The following HSD17B12 variants were observed in gnomAD, a reference collection of about 807,000 sequenced individuals.
HSD17B12 encodes very-long-chain 3-oxoacyl-CoA reductase.
In HSD17B12, 32 loss-of-function variants were observed where a neutral mutation model predicts 39.3. That is an observed-to-expected ratio of 0.81 (90% CI 0.61 to 1.09). The LOEUF is 1.09. HSD17B12 is among the 50% of genes least tolerant of loss of function. The probability of loss-of-function intolerance (pLI) is 0.00; values close to 1 mark genes in which losing one functional copy is unlikely to be tolerated. For missense variants in HSD17B12, 342 were observed against 382.9 expected, an observed-to-expected ratio of 0.89 and a Z score of 0.89; for synonymous variants, 150 against 146.7, an observed-to-expected ratio of 1.02 and a Z score of -0.16.
the HSD17B12 span, among the ~76,000 whole-genome samples, chr11:43,615,016 AT>A: frequency 1.3e-5 from 2 of 151,794 alleles, no homozygotes; most frequent in Admixed American, 6.6e-5. Context: ...ATAGCCAGTG[AT>A]TTTTTTCATC....
chr11:43,838,501 A>G, intron 8 of HSD17B12, 103 bp downstream of exon 8: 1 of 862,702 alleles, frequency 1.2e-6, no homozygotes, highest in Non-Finnish European at 1.9e-6. Flanking sequence ...TGTTCTTGGC[A>G]GTTTTCCAGT....
upstream of HSD17B12, among the ~76,000 whole-genome samples, chr11:43,677,373 T>C (rs1415845218): frequency 2.0e-5 from 3 of 152,268 alleles, no homozygotes; most frequent in South Asian, 6.2e-4. Context: ...CCCAAATCCA[T>C]GCCAGAGAAG....
At chr11:43,666,467 A>C in the HSD17B12 span, among the ~76,000 whole-genome samples, 1 of 151,858 alleles carries the variant, frequency 6.6e-6, no homozygotes, top group Admixed American at 6.6e-5. Context: ...AGCTTCCCAA[A>C]GTGCTGGGAC....
the HSD17B12 span, among the ~76,000 whole-genome samples, chr11:43,668,432 C>T: frequency 6.6e-6 from 1 of 152,152 alleles, no homozygotes; most frequent in Non-Finnish European, 1.5e-5. Context: ...ATCTGGGTAA[C>T]CGCCCACCTC....
chr11:43,690,404 A>ATTTTTTTTTTTTTT (rs1206545700), intron 1 of HSD17B12, among the ~76,000 whole-genome samples: 6 of 24,954 alleles, frequency 2.4e-4, no homozygotes, highest in African/African-American at 7.6e-4. Context: ...ATATATATAT[A>ATTTTTTTTTTTTTT]TTTTTTTTTT....
chr11:43,560,452 C>A, the HSD17B12 span, among the ~76,000 whole-genome samples: 1 of 152,182 alleles, frequency 6.6e-6, no homozygotes, highest in African/African-American at 2.4e-5. Flanking sequence ...GTCCCTTAGG[C>A]ATTAGTGTTT....
intron 3 of HSD17B12, among the ~76,000 whole-genome samples, chr11:43,782,402 C>T (rs1039715162): frequency 2.6e-5 from 4 of 152,016 alleles, no homozygotes; most frequent in East Asian, 3.8e-4. Context: ...AAACCATGGC[C>T]GGGTACGGTG....
chr11:43,780,035 G>A (rs1950749015), intron 3 of HSD17B12, among the ~76,000 whole-genome samples: 1 of 152,132 alleles, frequency 6.6e-6, no homozygotes, highest in Non-Finnish European at 1.5e-5. Flanking sequence ...GAGATTTCAT[G>A]GGAAGTATTG....
the HSD17B12 span, among the ~76,000 whole-genome samples, chr11:43,674,368 G>A: frequency 3.9e-5 from 6 of 152,118 alleles, no homozygotes; most frequent in Non-Finnish European, 7.3e-5. Context: ...AACTCCAAAG[G>A]GCTATCTGGC....
chr11:43,617,852 C>T, the HSD17B12 span, among the ~76,000 whole-genome samples: 3 of 152,286 alleles, frequency 2.0e-5, no homozygotes, highest in African/African-American at 7.2e-5. Context: ...TTCCCTCTAC[C>T]GTCTGCAAGG....
chr11:43,816,283 TA>T, intron 5 of HSD17B12, 63 bp from the exon 6 acceptor site: 1 of 1,284,050 alleles, frequency 7.8e-7, no homozygotes, highest in Non-Finnish European at 1.1e-6. Context: ...ATTACCTAAG[TA>T]GATATCTAAT....
At chr11:43,805,242 T>C (rs1951007150) in intron 4 of HSD17B12, among the ~76,000 whole-genome samples, 1 of 148,800 alleles carries the variant, frequency 6.7e-6, no homozygotes, top group African/African-American at 2.5e-5. Flanking sequence ...TTGCTCTCAT[T>C]TGAAGTGTAA....
At chr11:43,597,688 C>G in the HSD17B12 span, among the ~76,000 whole-genome samples, 1 of 152,150 alleles carries the variant, frequency 6.6e-6, no homozygotes, top group African/African-American at 2.4e-5. Flanking sequence ...CTCTGTCACC[C>G]GGGCTGTAGT....
intron 1 of HSD17B12, among the ~76,000 whole-genome samples, chr11:43,696,705 A>G (rs1367661287): frequency 6.6e-6 from 1 of 152,226 alleles, no homozygotes; most frequent in African/African-American, 2.4e-5. Flanking sequence ...ATAAAGACAC[A>G]TGGACACATA....
At chr11:43,642,894 A>T in the HSD17B12 span, among the ~76,000 whole-genome samples, 2 of 152,002 alleles carry the variant, frequency 1.3e-5, no homozygotes, top group East Asian at 1.9e-4. Flanking sequence ...TAGATAAAAA[A>T]TGTACTAATA....
chr11:43,638,518 AG>A, the HSD17B12 span, among the ~76,000 whole-genome samples: 1 of 152,214 alleles, frequency 6.6e-6, no homozygotes, highest in South Asian at 2.1e-4. Context: ...AATGTTTAAA[AG>A]TTGATGAAAA....
At chr11:43,631,555 GTC>G in the HSD17B12 span, among the ~76,000 whole-genome samples, 13 of 151,102 alleles carry the variant, frequency 8.6e-5, no homozygotes, top group Non-Finnish European at 1.6e-4. Context: ...GTGTGTGTGT[GTC>G]TCTCTCTCTC....
the HSD17B12 span, among the ~76,000 whole-genome samples, chr11:43,571,241 T>A: frequency 6.6e-6 from 1 of 152,222 alleles, no homozygotes; most frequent in Non-Finnish European, 1.5e-5. Context: ...AACCACAAGG[T>A]TAAGGCTAAA....
intron 1 of HSD17B12, among the ~76,000 whole-genome samples, chr11:43,706,717 TG>T: frequency 1.3e-5 from 2 of 151,134 alleles, no homozygotes; most frequent in African/African-American, 4.9e-5. Flanking sequence ...TGTGTGTGTG[TG>T]TGTTGTGGGG....
Sources: allele counts gnomAD v4.1 joint callset (sites outside exome capture counted in the v4.1 genomes callset), GRCh38; gene constraint gnomAD v4.1.1; transcripts MANE v1.5; gene names NCBI Gene and HGNC (gene_info 2026-07-23, HGNC 2026-07-21).